VPS39: variants seen among roughly 807,000 people sequenced by gnomAD.
VPS39 encodes VPS39 subunit of HOPS complex.
Under a neutral mutation model 121.0 loss-of-function variants are expected in VPS39, and 70 were observed. The observed-to-expected ratio is 0.58, with a 90% CI of 0.48 to 0.71. The LOEUF (loss-of-function observed/expected upper bound fraction) is 0.71, where lower values mean the gene tolerates loss of function less well. VPS39 is among the 30% of genes least tolerant of loss of function. The pLI is 0.00. For missense variants in VPS39, 818 were observed against 1,051.5 expected, an observed-to-expected ratio of 0.78 and a Z score of 3.07; for synonymous variants, 378 against 398.1, an observed-to-expected ratio of 0.95 and a Z score of 0.60.
intron 10 of VPS39, among the ~76,000 whole-genome samples, chr15:42,174,286 C>G (rs1271664154): frequency 6.6e-6 from 1 of 152,080 alleles, no homozygotes; most frequent in Non-Finnish European, 1.5e-5. Context: ...TACAAGACAG[C>G]CACATGGTAT....
chr15:42,176,098 G>A (rs1381795568), intron 10 of VPS39, among the ~76,000 whole-genome samples: 3 of 151,754 alleles, frequency 2.0e-5, no homozygotes. Flanking sequence ...ACCTTTTTTT[G>A]TCATAAAAAG....
At chr15:42,193,331 T>C (rs116141490) in intron 2 of VPS39, among the ~76,000 whole-genome samples, 2,532 of 152,338 alleles carry the variant, frequency 0.017, 73 homozygotes, top group African/African-American at 0.059. Context: ...TAATTTAATT[T>C]GTTTTGGTTG....
In VPS39 at chr15:42,172,870, C is replaced by A. The variant is rs1317863086; in HGVS notation, c.1090+853G>T. On this transcript the variant is annotated intron_variant, in intron 11 of 24. Transcript: ENST00000318006. Reference sequence around the variant, plus strand: ...TCTACTTAAACGATCCAGAGTTGGTCTCCATTGCTCACAACCAAGAATCTT... The same window carrying A: ...TCTACTTAAACGATCCAGAGTTGGTATCCATTGCTCACAACCAAGAATCTT... Among the ~76,000 whole-genome samples, 10 of 152,188 alleles carry A rather than the reference C, an allele frequency of 6.6e-5. No homozygotes were observed. The East Asian group carries it at 1.9e-3, about 29-fold the overall frequency.
intron 8 of VPS39, among the ~76,000 whole-genome samples, chr15:42,182,922 A>G (rs1339695279): frequency 1.3e-5 from 2 of 152,176 alleles, no homozygotes; most frequent in Non-Finnish European, 2.9e-5. Context: ...CCTCTTCTGA[A>G]GGGAAAACAA....
At chr15:42,165,649 G>A (rs1291033688) in intron 17 of VPS39, 69 bp downstream of exon 17, 16 of 1,285,834 alleles carry the variant, frequency 1.2e-5, no homozygotes, top group Admixed American at 3.6e-5. Flanking sequence ...TGAACAGCCC[G>A]ATAACAGAAC....
At chr15:42,166,086 C>T in intron 16 of VPS39, 73 bp downstream of exon 16, 1 of 1,422,330 alleles carries the variant, frequency 7.0e-7, no homozygotes, top group Non-Finnish European at 9.9e-7. Context: ...CCCTCCTCTC[C>T]ATCCACTGCT....
chr15:42,185,921 C>T (rs2049691302), intron 7 of VPS39, among the ~76,000 whole-genome samples: 1 of 152,190 alleles, frequency 6.6e-6, no homozygotes, highest in South Asian at 2.1e-4. Context: ...AGCAAGGTTT[C>T]CCACCCTGAA....
chr15:42,187,651 G>C (rs1388499884), intron 6 of VPS39, 107 bp downstream of exon 6: 1 of 978,636 alleles, frequency 1.0e-6, no homozygotes, highest in Non-Finnish European at 1.6e-6. Context: ...CTTCATACCA[G>C]AGTATTCATT....
intron 2 of VPS39, among the ~76,000 whole-genome samples, chr15:42,197,350 A>T (rs1248767704): frequency 2.1e-5 from 3 of 141,528 alleles, no homozygotes; most frequent in African/African-American, 7.8e-5. Context: ...AAAAAAACCT[A>T]AAAAAAAAAA....
rs1218205754 is a variant in VPS39 at position 42,199,896 on chromosome 15, C to T, written c.139G>A (p.Gly47Ser). 25 of 1,590,154 alleles carry T rather than the reference C, an allele frequency of 1.6e-5. No homozygotes were observed. Among genetic ancestry groups the T allele is most frequent in the Non-Finnish European group, 2.0e-5 (24 of 1,172,512 alleles). Residue 47 changes from glycine to serine, a missense_variant and splice_region_variant, in exon 2 of 25, where the codon GGT becomes AGT. Gly to Ser is a moderately conservative substitution (Grantham distance 56). Transcript: ENST00000318006. ...TTTTGCATGAGCAATGTGCACTTACCAACGTCCTTCCGAATCCTATAGAGA... is the reference window on the plus strand; with the variant it reads ...TTTTGCATGAGCAATGTGCACTTACTAACGTCCTTCCGAATCCTATAGAGA... ...LLLYRIRKDV[G>S]CNRFEVTLEK... is the part of the protein sequence containing the mutation.
At chr15:42,185,345 A>AT (rs931644395) in intron 7 of VPS39, among the ~76,000 whole-genome samples, 27 of 146,258 alleles carry the variant, frequency 1.8e-4, no homozygotes, top group South Asian at 2.2e-4. Context: ...CGCCAGGCTA[A>AT]TTTTTTTTTT....
At chr15:42,182,056 C>T (rs1321699232) in intron 8 of VPS39, among the ~76,000 whole-genome samples, 1 of 152,144 alleles carries the variant, frequency 6.6e-6, no homozygotes, top group East Asian at 1.9e-4. Context: ...ATTATATTTG[C>T]AATTTATACT....
At chr15:42,183,123 G>GGGAGTCTTGCTCTGTCACCCACGCT (rs1226161650) in intron 8 of VPS39, among the ~76,000 whole-genome samples, 2 of 150,160 alleles carry the variant, frequency 1.3e-5, no homozygotes, top group African/African-American at 4.9e-5. Context: ...TTTTTGAGGC[G>GGGAGTCTTGCTCTGTCACCCACGCT]GGAGTCTTGC....
intron 12 of VPS39, among the ~76,000 whole-genome samples, chr15:42,169,149 T>C (rs1376947823): frequency 6.6e-6 from 1 of 152,226 alleles, no homozygotes; most frequent in East Asian, 1.9e-4. Context: ...ACTTTCTCAG[T>C]ATATGGCTAA....
chr15:42,166,488 C>A (rs1328948339), intron 15 of VPS39, 75 bp downstream of exon 15: 1 of 1,539,354 alleles, frequency 6.5e-7, no homozygotes. Context: ...AGCAACCAAC[C>A]AGAAACAGAA....
In VPS39 at chr15:42,165,066, G is replaced by A. The variant is rs2049215185; in HGVS notation, c.1827C>T (p.Asn609=). 1 of 1,614,230 alleles carries A rather than the reference G, an allele frequency of 6.2e-7. No homozygotes were observed. Among genetic ancestry groups the A allele is most frequent in the Admixed American group, 1.7e-5 (1 of 60,026 alleles). The part of the protein sequence containing the change: ...VWEETGSRFH[N]CLIQLYCEKV... ...TCTCACAGTATAGCTGGATCAGGCA[G>A]TTGTGGAACCGAGAGCCTGTCTCCT... is the stretch of plus-strand genomic sequence containing the variant. The change falls in exon 18 of 25, where the codon AAC becomes AAT. Residue 609 remains asparagine (N), a synonymous_variant. Transcript: ENST00000318006.
At position 42,202,746 on chromosome 15, in the gene VPS39, T is replaced by C. The variant is rs556453426; in HGVS notation, c.74-2785A>G. 4.9e-4 allele frequency among the ~76,000 whole-genome samples: 74 copies of C among 152,320 alleles called. 1 individual carries two copies. In the South Asian group the frequency reaches 0.014, roughly 29 times the overall value. ...TCGGCCAGGGTCTATCAATTCTACC[T>C]GTAATGGTACCTCATGACAGCCTCC... On this transcript the variant is annotated intron_variant, in intron 1 of 24. Transcript: ENST00000318006.
rs1349270643 is a variant in VPS39 at position 42,162,412 on chromosome 15, C to T, written c.2245G>A (p.Glu749Lys). ...AGGTTGGCTTTTGGCTCCAGTAGTTCCAGCTTGATTGGCCCCAGGCAGTGA... is the reference window on the plus strand; with the variant it reads ...AGGTTGGCTTTTGGCTCCAGTAGTTTCAGCTTGATTGGCCCCAGGCAGTGA... Reference protein sequence around the residue: ...SIHCLGPIKLELLEPKANLQA... With the variant: ...SIHCLGPIKLKLLEPKANLQA... The change falls in exon 22 of 25, where the codon GAA becomes AAA. Residue 749 changes from glutamate (E) to lysine (K), a missense_variant. By Grantham distance (56) the Glu-to-Lys change is moderately conservative. Coordinates refer to ENST00000318006, the MANE Select transcript of VPS39 (RefSeq NM_015289.5). 1 of 1,613,794 alleles carries T rather than the reference C, an allele frequency of 6.2e-7. No individual in the cohort carries two copies. Among genetic ancestry groups the T allele is most frequent in the African/African-American group, 1.3e-5 (1 of 75,016 alleles).
At chr15:42,207,059 C>T (rs779082584) in intron 1 of VPS39, among the ~76,000 whole-genome samples, 2 of 152,158 alleles carry the variant, frequency 1.3e-5, no homozygotes, top group Non-Finnish European at 2.9e-5. Context: ...GAAGGGTGCA[C>T]ATTAACATGA....
Sources: allele counts gnomAD v4.1 joint callset (sites outside exome capture counted in the v4.1 genomes callset), GRCh38; gene constraint gnomAD v4.1.1; transcripts MANE v1.5; gene names NCBI Gene and HGNC (gene_info 2026-07-23, HGNC 2026-07-21).